CWH43: variants seen among roughly 807,000 people sequenced by gnomAD.
CWH43 encodes the protein cell wall biogenesis 43 C-terminal homolog, also known as PGAP2-interacting protein.
CWH43 carries 91 observed loss-of-function variants against 85.7 expected under a neutral mutation model. The observed-to-expected ratio is 1.06, with a 90% CI of 0.90 to 1.26. The LOEUF is 1.26. Among genes scored for constraint, CWH43 ranks in the 50% most tolerant of loss-of-function variants. The probability of loss-of-function intolerance (pLI) is 0.00; values close to 1 mark genes in which losing one functional copy is unlikely to be tolerated. For missense variants in CWH43, 869 were observed against 839.2 expected (o/e 1.04, Z -0.44); for synonymous variants, 323 against 293.6 (o/e 1.10, Z -1.02).
Position 48,988,472 on chromosome 4 carries a change from T to C in CWH43, c.44-5T>C. The C allele has an allele frequency of 6.6e-7, 1 of 1,526,106 alleles. No homozygotes were observed. The highest frequency in any genetic ancestry group is 8.8e-7 in the Non-Finnish European group (1 of 1,135,140). 94.5% of individuals were successfully genotyped at this position (1,526,106 alleles called of 1,614,324 possible). The stretch of plus-strand genomic sequence containing the variant: ...TTCTCTCTTTAACTTTTTTTTTTTT[T>C]GTAGGATGTGTTTCTTGGTCTCTCT... On this transcript the variant is annotated splice_polypyrimidine_tract_variant and splice_region_variant and intron_variant, in intron 1 of 15. Coordinates refer to ENST00000226432, the MANE Select transcript of CWH43 (RefSeq NM_025087.3).
At chr4:49,041,064 C>T (rs930016149) in intron 13 of CWH43, among the ~76,000 whole-genome samples, 55 of 152,190 alleles carry the variant, frequency 3.6e-4, no homozygotes, top group African/African-American at 1.3e-3. Flanking sequence ...AAATATGTGG[C>T]ATTATTTCTG....
At chr4:49,061,369 A>G (rs1785152197) in intron 15 of CWH43, among the ~76,000 whole-genome samples, 1 of 152,338 alleles carries the variant, frequency 6.6e-6, no homozygotes. Context: ...GTATTCTATC[A>G]TATCAACCAG....
rs960235855 is a variant in CWH43 at position 48,991,650 on chromosome 4, T to A, written c.356+76T>A. ...CAAAGGGAAACCTGGGGCCAGGAGTTCCAGGTTATAGTTTTTACCTTCCAT... is the reference window on the plus strand; with the variant it reads ...CAAAGGGAAACCTGGGGCCAGGAGTACCAGGTTATAGTTTTTACCTTCCAT... On this transcript the variant is annotated intron_variant, in intron 3 of 15. Coordinates refer to ENST00000226432, the MANE Select transcript of CWH43 (RefSeq NM_025087.3). 6 of 1,529,224 alleles carry A rather than the reference T, an allele frequency of 3.9e-6. No individual in the cohort carries two copies. The Admixed American group carries it at 1.2e-4, about 30-fold the overall frequency. 94.7% of individuals were successfully genotyped at this position (1,529,224 alleles called of 1,614,324 possible).
chr4:48,994,494 C>G (rs1330202426), intron 4 of CWH43, 125 bp from the exon 5 acceptor site: 2 of 738,968 alleles, frequency 2.7e-6, no homozygotes, highest in Admixed American at 2.6e-5. Flanking sequence ...CATGTCTCAT[C>G]TCCTCTTCCG....
At chr4:49,013,023 A>G (rs1783416733) in intron 8 of CWH43, among the ~76,000 whole-genome samples, 1 of 152,208 alleles carries the variant, frequency 6.6e-6, no homozygotes, top group African/African-American at 2.4e-5. Flanking sequence ...TGCTCTCTTC[A>G]GAGCTGTCAG....
At position 49,007,287 on chromosome 4, in the gene CWH43, A is replaced by C; in HGVS notation, c.1147A>C (p.Lys383Gln). The change falls in exon 8 of 16, where the codon AAA becomes CAA. Residue 383 changes from lysine (K) to glutamine (Q), a missense_variant. Lys to Gln is a moderately conservative substitution (Grantham distance 53). Coordinates refer to ENST00000226432, the MANE Select transcript of CWH43 (RefSeq NM_025087.3). ...DLLLQTKNSS[K>Q]VLFRKSEKYM... is the part of the protein sequence containing the mutation. ...GCTTCTTCAAACAAAAAACAGTTCT[A>C]AAGTGCTTTTCAGAAAGAGTGAAAA... is the stretch of plus-strand genomic sequence containing the variant. The C allele has an allele frequency of 6.2e-7, 1 of 1,609,436 alleles. No homozygotes were observed. The highest frequency in any genetic ancestry group is 8.5e-7 in the Non-Finnish European group (1 of 1,177,972).
At position 49,050,700 on chromosome 4, in the gene CWH43, T is replaced by A. The variant is rs758217233; in HGVS notation, c.1872T>A (p.Gly624=). ...YIMYRGLIRL[G]YARISHAELS... ...ATTTCTGTTTCTGCTACAGGTTGGGTTATGCAAGAATCTCCCATGCTGAAC... is the reference window on the plus strand; with the variant it reads ...ATTTCTGTTTCTGCTACAGGTTGGGATATGCAAGAATCTCCCATGCTGAAC... The change falls in exon 15 of 16, where the codon GGT becomes GGA. Residue 624 remains glycine, a synonymous_variant. Transcript: ENST00000226432. 20 of 1,610,622 alleles carry A rather than the reference T, an allele frequency of 1.2e-5. No individual in the cohort carries two copies. Among genetic ancestry groups the A allele is most frequent in the Middle Eastern group, 3.3e-4 (2 of 6,056 alleles).
At chr4:49,032,472 G>A in intron 11 of CWH43, 94 bp from the exon 12 acceptor site, 1 of 1,377,830 alleles carries the variant, frequency 7.3e-7, no homozygotes, top group Non-Finnish European at 1.0e-6. Context: ...TGTGTGCAGT[G>A]GGACACATCC....
At chr4:49,007,646 C>A (rs1305082881) in intron 8 of CWH43, among the ~76,000 whole-genome samples, 1 of 151,768 alleles carries the variant, frequency 6.6e-6, no homozygotes, top group African/African-American at 2.4e-5. Flanking sequence ...CCACAGCAGG[C>A]CCCAGTGTGT....
intron 2 of CWH43, among the ~76,000 whole-genome samples, chr4:48,990,955 T>C (rs1405103761): frequency 6.6e-6 from 1 of 152,048 alleles, no homozygotes; most frequent in Non-Finnish European, 1.5e-5. Flanking sequence ...CTATGAGAAA[T>C]AATGAAACAC....
chr4:48,999,404 T>C (rs1354088044), intron 6 of CWH43, among the ~76,000 whole-genome samples: 4 of 152,238 alleles, frequency 2.6e-5, no homozygotes, highest in Admixed American at 1.3e-4. Context: ...TGTGTCTTTA[T>C]GGTAGAACAA....
At chr4:49,008,805 G>C (rs187362648) in intron 8 of CWH43, among the ~76,000 whole-genome samples, 55 of 152,216 alleles carry the variant, frequency 3.6e-4, no homozygotes, top group African/African-American at 1.3e-3. Flanking sequence ...TGTTATTTCT[G>C]AGGCCTCTGT....
rs573505704 is a variant in CWH43, at chr4:49,014,829, A to T, written c.1187-2420A>T. Among the ~76,000 whole-genome samples the T allele has an allele frequency of 1.3e-4, 19 of 151,880 alleles. 1 individual carries two copies. The South Asian group carries it at 4.0e-3, about 32-fold the overall frequency. ...TACAGCACCCCCCACTATCAAAATT[A>T]CTCACCAGAATGATACATTTGTTAA... is the stretch of plus-strand genomic sequence containing the variant. On this transcript the variant is annotated intron_variant, in intron 8 of 15. Transcript: ENST00000226432.
At chr4:49,003,694 C>G in intron 6 of CWH43, 41 bp from the exon 7 acceptor site, 1 of 1,608,678 alleles carries the variant, frequency 6.2e-7, no homozygotes, top group Non-Finnish European at 8.5e-7. Flanking sequence ...CCTCTAAGCT[C>G]GACTGCTTTC....
intron 8 of CWH43, among the ~76,000 whole-genome samples, chr4:49,014,270 T>C (rs1783459960): frequency 6.6e-6 from 1 of 152,060 alleles, no homozygotes; most frequent in Admixed American, 6.6e-5. Flanking sequence ...ATAAGCAATG[T>C]AGTGAGACCC....
At chr4:48,999,931 C>A (rs1167001091) in intron 6 of CWH43, among the ~76,000 whole-genome samples, 2 of 152,140 alleles carry the variant, frequency 1.3e-5, no homozygotes, top group East Asian at 1.9e-4. Flanking sequence ...TCTTCCCTCT[C>A]CCCTAGTCTT....
intron 15 of CWH43, among the ~76,000 whole-genome samples, chr4:49,058,799 C>T (rs1430283381): frequency 6.6e-6 from 1 of 152,172 alleles, no homozygotes; most frequent in African/African-American, 2.4e-5. Context: ...TTCTTTTGGC[C>T]TGCAAGGTTT....
rs1309309113 is a variant in CWH43, at chr4:49,028,659, T to C, written c.1297T>C (p.Trp433Arg). The C allele has an allele frequency of 6.2e-7, 1 of 1,613,884 alleles. No individual in the cohort carries two copies. The highest frequency in any genetic ancestry group is 1.1e-5 in the South Asian group (1 of 91,066). The change falls in exon 10 of 16, where the codon TGG (tryptophan) becomes CGG (arginine). Residue 433 changes from tryptophan (W) to arginine (R), a missense_variant. Transcript: ENST00000226432. ...APTKEVSAAI[W>R]PFRFGYDNEG... ...AACCAAAGAGGTCTCTGCTGCCATC[T>C]GGCCTTTCAGGTTTGGATATGACAA...
At chr4:48,988,235 T>C (rs1461576499) in intron 1 of CWH43, among the ~76,000 whole-genome samples, 1 of 152,208 alleles carries the variant, frequency 6.6e-6, no homozygotes, top group East Asian at 1.9e-4. Context: ...GAAATTGCCA[T>C]TGCTTTTCTG....
Sources: gnomAD v4.1 joint callset for allele counts (sites outside exome capture counted in the v4.1 genomes callset) on GRCh38, gnomAD v4.1.1 for gene constraint, MANE v1.5 for transcripts, NCBI Gene and HGNC (gene_info 2026-07-23, HGNC 2026-07-21) for gene names.